DOCK4: variants seen among roughly 807,000 people sequenced by gnomAD.
The protein encoded by DOCK4 is dedicator of cytokinesis protein 4.
Under a neutral mutation model 268.1 loss-of-function variants are expected in DOCK4, and 97 were observed. That is an observed-to-expected ratio of 0.36 (90% CI 0.31 to 0.43). The LOEUF (loss-of-function observed/expected upper bound fraction) is 0.43, where lower values mean the gene tolerates loss of function less well. Among genes scored for constraint, DOCK4 ranks in the 20% least tolerant of loss-of-function variants. The probability of loss-of-function intolerance (pLI) is 1.00; values close to 1 mark genes in which losing one functional copy is unlikely to be tolerated. For missense variants in DOCK4, 2,145 were observed against 2,455.7 expected, an observed-to-expected ratio of 0.87 and a Z score of 2.67; for synonymous variants, 954 against 887.2, an observed-to-expected ratio of 1.08 and a Z score of -1.34.
chr7:111,822,485 A>G (rs766963284), intron 26 of DOCK4, 29 bp from the exon 27 acceptor site: 1 of 1,566,172 alleles, frequency 6.4e-7, no homozygotes, highest in African/African-American at 1.4e-5. Flanking sequence ...AGATCATTTT[A>G]TTGGTTTATT....
chr7:112,002,174 A>G (rs925544631), intron 2 of DOCK4, among the ~76,000 whole-genome samples: 1 of 152,190 alleles, frequency 6.6e-6, no homozygotes, highest in Non-Finnish European at 1.5e-5. Flanking sequence ...CGTCCCTAAC[A>G]GTTTTAAAAT....
intron 1 of DOCK4, among the ~76,000 whole-genome samples, chr7:112,176,768 C>T (rs1178112720): frequency 6.6e-6 from 1 of 152,186 alleles, no homozygotes; most frequent in Non-Finnish European, 1.5e-5. Context: ...ACTGCATTTG[C>T]TCTGAAAGTA....
chr7:111,883,516 T>A (rs187826160), intron 16 of DOCK4, among the ~76,000 whole-genome samples: 1 of 152,260 alleles, frequency 6.6e-6, no homozygotes, highest in East Asian at 1.9e-4. Context: ...AACATATCTC[T>A]TATTAACTCT....
chr7:112,009,344 AAC>A (rs761326021), intron 1 of DOCK4, among the ~76,000 whole-genome samples: 3 of 152,240 alleles, frequency 2.0e-5, no homozygotes, highest in Admixed American at 1.3e-4. Context: ...AACTGCTTAC[AAC>A]ACAGAACACA....
chr7:111,847,654 G>A (rs1383966071), intron 23 of DOCK4, among the ~76,000 whole-genome samples: 3 of 152,102 alleles, frequency 2.0e-5, no homozygotes, highest in Non-Finnish European at 4.4e-5. Context: ...AGATCTGATG[G>A]TTTTTTAAGG....
intron 43 of DOCK4, 57 bp from the exon 44 acceptor site, chr7:111,746,474 C>G (rs899936222): frequency 7.0e-7 from 1 of 1,421,308 alleles, no homozygotes; most frequent in African/African-American, 1.4e-5. Flanking sequence ...AAGTCAAAGA[C>G]AAGTTGTTTT....
intron 1 of DOCK4, among the ~76,000 whole-genome samples, chr7:112,017,053 T>C (rs1801869540): frequency 6.6e-6 from 1 of 152,196 alleles, no homozygotes; most frequent in Non-Finnish European, 1.5e-5. Flanking sequence ...CAATTATCAC[T>C]GACTTATAAA....
At chr7:112,037,496 A>G (rs564605806) in intron 1 of DOCK4, among the ~76,000 whole-genome samples, 48 of 152,312 alleles carry the variant, frequency 3.2e-4, no homozygotes, top group African/African-American at 9.1e-4. Context: ...TCTGATTTCT[A>G]TGACCACAGA....
At chr7:111,999,882 A>T (rs1056940127) in intron 3 of DOCK4, among the ~76,000 whole-genome samples, 2 of 152,060 alleles carry the variant, frequency 1.3e-5, no homozygotes, top group African/African-American at 4.8e-5. Flanking sequence ...ATTAGTAAGG[A>T]TTACTGTCAA....
At chr7:111,868,378 A>G (rs1030495432) in intron 21 of DOCK4, among the ~76,000 whole-genome samples, 2 of 152,228 alleles carry the variant, frequency 1.3e-5, no homozygotes, top group Admixed American at 6.5e-5. Flanking sequence ...CTTTAAATTT[A>G]AAAGAAATTT....
At chr7:111,894,227 AAAAAAG>A (rs1808536113) in intron 16 of DOCK4, among the ~76,000 whole-genome samples, 1 of 151,910 alleles carries the variant, frequency 6.6e-6, no homozygotes, top group Non-Finnish European at 1.5e-5. Context: ...ATCTCAAAAA[AAAAAAG>A]AAAAAAGAAA....
At chr7:112,026,672 T>A (rs531153882) in intron 1 of DOCK4, among the ~76,000 whole-genome samples, 1 of 152,352 alleles carries the variant, frequency 6.6e-6, no homozygotes, top group African/African-American at 2.4e-5. Context: ...TATGGAAAGA[T>A]AACTACATTC....
chr7:111,995,784 C>T (rs1376052388), intron 4 of DOCK4, among the ~76,000 whole-genome samples: 2 of 152,166 alleles, frequency 1.3e-5, no homozygotes, highest in African/African-American at 2.4e-5. Flanking sequence ...AACAGAGTTT[C>T]ATCTCCTCAT....
intron 1 of DOCK4, among the ~76,000 whole-genome samples, chr7:112,052,047 T>G (rs1200246905): frequency 6.6e-6 from 1 of 152,150 alleles, no homozygotes; most frequent in East Asian, 1.9e-4. Flanking sequence ...AGTATTTGCA[T>G]ATGACCTATG....
intron 1 of DOCK4, among the ~76,000 whole-genome samples, chr7:112,180,423 G>T (rs2729543): frequency 0.069 from 10,471 of 152,222 alleles, 806 homozygotes; most frequent in African/African-American, 0.18. Context: ...CCTGCCATCT[G>T]CCAGGCAGAT....
chr7:111,776,348 T>G (rs73434217), intron 36 of DOCK4, among the ~76,000 whole-genome samples: 3,263 of 152,148 alleles, frequency 0.021, 118 homozygotes, highest in African/African-American at 0.075. Context: ...ATTGAAGCTG[T>G]AAAAAGAAAA....
intron 37 of DOCK4, among the ~76,000 whole-genome samples, chr7:111,768,161 T>G (rs1367923569): frequency 1.3e-4 from 20 of 152,194 alleles, no homozygotes; most frequent in Admixed American, 1.3e-3. Flanking sequence ...TAAAAGAGAT[T>G]TGTAGCTTTG....
chr7:112,200,725 T>TAAA (rs1335683859), intron 1 of DOCK4, among the ~76,000 whole-genome samples: 3,382 of 102,756 alleles, frequency 0.033, 149 homozygotes, highest in South Asian at 0.041. Flanking sequence ...GCCTCTAAAA[T>TAAA]AAAAAAAAAA....
At chr7:112,108,163 C>T (rs987539775) in intron 1 of DOCK4, among the ~76,000 whole-genome samples, 2 of 152,120 alleles carry the variant, frequency 1.3e-5, no homozygotes, top group African/African-American at 4.8e-5. Context: ...AAATTACATG[C>T]TTAGATATAT....
Sources: gnomAD v4.1 joint callset for allele counts (sites outside exome capture counted in the v4.1 genomes callset) on GRCh38, gnomAD v4.1.1 for gene constraint, MANE v1.5 for transcripts, NCBI Gene and HGNC (gene_info 2026-07-23, HGNC 2026-07-21) for gene names.